TSPAN18: variants seen among roughly 807,000 people sequenced by gnomAD.
TSPAN18 encodes the protein tetraspanin-18.
TSPAN18 carries 14 observed loss-of-function variants against 27.3 expected under a neutral mutation model. The observed-to-expected ratio is 0.51, with a 90% CI of 0.34 to 0.80. TSPAN18 has a LOEUF of 0.80. Among genes scored for constraint, TSPAN18 ranks in the 30% least tolerant of loss-of-function variants. The pLI is 0.01. For missense variants in TSPAN18, 268 were observed against 323.9 expected, an observed-to-expected ratio of 0.83 and a Z score of 1.32; for synonymous variants, 143 against 136.5, an observed-to-expected ratio of 1.05 and a Z score of -0.33.
chr11:44,779,614 G>C (rs1855891321), intron 2 of TSPAN18, among the ~76,000 whole-genome samples: 1 of 152,120 alleles, frequency 6.6e-6, no homozygotes, highest in Non-Finnish European at 1.5e-5. Context: ...ACACACTGCT[G>C]CATGCTATGC....
intron 2 of TSPAN18, among the ~76,000 whole-genome samples, chr11:44,799,360 G>C (rs367790023): frequency 6.6e-6 from 1 of 152,084 alleles, no homozygotes; most frequent in African/African-American, 2.4e-5. Flanking sequence ...CCTATACCTT[G>C]GTCCAAACGA....
intron 3 of TSPAN18, among the ~76,000 whole-genome samples, chr11:44,873,882 T>A (rs1426889317): frequency 6.6e-6 from 1 of 152,094 alleles, no homozygotes; most frequent in East Asian, 1.9e-4. Flanking sequence ...CCTACAGACA[T>A]GAGGATTGGC....
chr11:44,746,781 G>A (rs1855087015), intron 1 of TSPAN18, among the ~76,000 whole-genome samples: 1 of 152,122 alleles, frequency 6.6e-6, no homozygotes, highest in African/African-American at 2.4e-5. Context: ...TTGGGGTTAG[G>A]ACAAGATTAT....
rs532519122 is a variant in TSPAN18 at position 44,914,724 on chromosome 11, C to T, written c.259-3248C>T. ...TACTGTTCCTCTCAGCCACAATCCGCTCTCAGTAAAATGGGGGTGTTGCTG... is the reference window on the plus strand; with the variant it reads ...TACTGTTCCTCTCAGCCACAATCCGTTCTCAGTAAAATGGGGGTGTTGCTG... On this transcript the variant is annotated intron_variant, in intron 5 of 9. Transcript: ENST00000520358. Among the ~76,000 whole-genome samples the T allele has an allele frequency of 9.8e-5, 15 of 152,308 alleles. 2 individuals carry two copies. In the South Asian group the frequency reaches 2.9e-3, roughly 29 times the overall value.
At chr11:44,906,297 C>A (rs1052014123) in intron 3 of TSPAN18, 110 bp from the exon 4 acceptor site, 2 of 953,332 alleles carry the variant, frequency 2.1e-6, no homozygotes, top group Middle Eastern at 2.7e-4. Flanking sequence ...CCATCTTCTT[C>A]CAGCCTTTGC....
At chr11:44,741,237 A>C (rs1854925061) in intron 1 of TSPAN18, among the ~76,000 whole-genome samples, 1 of 152,220 alleles carries the variant, frequency 6.6e-6, no homozygotes, top group Non-Finnish European at 1.5e-5. Context: ...GATATGCATA[A>C]CATTTCCTCC....
At chr11:44,881,767 C>A (rs970500020) in intron 3 of TSPAN18, among the ~76,000 whole-genome samples, 1 of 152,148 alleles carries the variant, frequency 6.6e-6, no homozygotes, top group Admixed American at 6.5e-5. Flanking sequence ...CAGGGCCAAC[C>A]GTTCTTGACC....
intron 2 of TSPAN18, among the ~76,000 whole-genome samples, chr11:44,841,710 A>G (rs929330194): frequency 5.3e-5 from 8 of 152,298 alleles, no homozygotes; most frequent in Middle Eastern, 3.4e-3. Context: ...AGAGGGAAGT[A>G]TGTGCAAAGG....
At chr11:44,862,008 C>T (rs1412091481) in intron 3 of TSPAN18, among the ~76,000 whole-genome samples, 4 of 152,114 alleles carry the variant, frequency 2.6e-5, no homozygotes, top group Non-Finnish European at 2.9e-5. Flanking sequence ...AGGCCTGTTC[C>T]TTTTTCCCCC....
chr11:44,867,123 T>A (rs1450588288), intron 3 of TSPAN18, among the ~76,000 whole-genome samples: 1 of 152,106 alleles, frequency 6.6e-6, no homozygotes, highest in African/African-American at 2.4e-5. Context: ...CAGACCAGCA[T>A]CACCAGCATC....
intron 2 of TSPAN18, among the ~76,000 whole-genome samples, chr11:44,852,307 C>G (rs1857626811): frequency 6.6e-6 from 1 of 152,192 alleles, no homozygotes; most frequent in African/African-American, 2.4e-5. Context: ...TGCAATGTTA[C>G]ACGTAGTAAC....
intron 2 of TSPAN18, among the ~76,000 whole-genome samples, chr11:44,766,628 G>T (rs1855573883): frequency 6.6e-6 from 1 of 152,218 alleles, no homozygotes; most frequent in Non-Finnish European, 1.5e-5. Context: ...GGGTGCTGTT[G>T]TTCTTGGTTT....
Position 44,917,924 on chromosome 11 carries a change from A to G in TSPAN18, c.259-48A>G, listed in dbSNP as rs1176242949. 4.4e-6 allele frequency: 7 copies of G among 1,596,904 alleles called. No homozygotes were observed. In the African/African-American group the frequency reaches 9.4e-5, roughly 21 times the overall value. On this transcript the variant is annotated intron_variant, in intron 5 of 9. Transcript: ENST00000520358. ...GGATGCATTGGCCAGTGGCCGCCCC[A>G]TCCCCTGCCTGCCCTCTGGGCTCAC...
intron 5 of TSPAN18, among the ~76,000 whole-genome samples, chr11:44,910,738 T>A (rs987305195): frequency 6.6e-6 from 1 of 152,202 alleles, no homozygotes; most frequent in African/African-American, 2.4e-5. Context: ...TGTAGTTCAC[T>A]GGGTGCTGAA....
intron 1 of TSPAN18, among the ~76,000 whole-genome samples, chr11:44,759,698 C>T (rs1444733056): frequency 6.6e-6 from 1 of 152,190 alleles, no homozygotes; most frequent in Non-Finnish European, 1.5e-5. Context: ...ACTACCCATC[C>T]ATCCATTTCT....
intron 2 of TSPAN18, among the ~76,000 whole-genome samples, chr11:44,816,206 C>T (rs746166504): frequency 6.6e-5 from 10 of 152,158 alleles, no homozygotes; most frequent in East Asian, 5.8e-4. Flanking sequence ...AAAAGGTGCA[C>T]GGAGCTCCCT....
intron 3 of TSPAN18, among the ~76,000 whole-genome samples, chr11:44,866,482 C>T (rs1287901905): frequency 6.6e-6 from 1 of 152,176 alleles, no homozygotes; most frequent in African/African-American, 2.4e-5. Flanking sequence ...CTAATGAGGC[C>T]AGGTGGGCAG....
At chr11:44,800,434 T>A (rs957736137) in intron 2 of TSPAN18, among the ~76,000 whole-genome samples, 1 of 152,152 alleles carries the variant, frequency 6.6e-6, no homozygotes, top group Non-Finnish European at 1.5e-5. Flanking sequence ...CAGGACTAAA[T>A]ACCTGTGCCG....
chr11:44,783,817 A>T (rs1855996407), intron 2 of TSPAN18, among the ~76,000 whole-genome samples: 1 of 152,172 alleles, frequency 6.6e-6, no homozygotes, highest in Admixed American at 6.5e-5. Flanking sequence ...ATGGCCTGTC[A>T]GTCCCTCAAG....
Sources: allele counts gnomAD v4.1 joint callset (sites outside exome capture counted in the v4.1 genomes callset), GRCh38; gene constraint gnomAD v4.1.1; transcripts MANE v1.5; gene names NCBI Gene and HGNC (gene_info 2026-07-23, HGNC 2026-07-21).